The following SLC16A7 variants were observed in gnomAD, a reference collection of about 807,000 sequenced individuals.
SLC16A7 encodes the protein monocarboxylate transporter 2.
Under a neutral mutation model 34.9 loss-of-function variants are expected in SLC16A7, and 33 were observed. The ratio of observed to expected loss-of-function variants is 0.94; its 90% CI spans 0.72 to 1.26. The LOEUF (loss-of-function observed/expected upper bound fraction) is 1.26. Among genes scored for constraint, SLC16A7 ranks in the 50% most tolerant of loss-of-function variants. The probability of loss-of-function intolerance (pLI) is 0.00; values close to 1 mark genes in which losing one functional copy is unlikely to be tolerated. For missense variants in SLC16A7, 573 were observed against 578.1 expected (o/e 0.99, Z 0.09); for synonymous variants, 201 against 206.6 (o/e 0.97, Z 0.23).
chr12:59,764,427 G>A (rs12825732), intron 3 of SLC16A7, among the ~76,000 whole-genome samples: 11,919 of 151,578 alleles, frequency 0.079, 558 homozygotes, highest in Middle Eastern at 0.17. Context: ...GGTGTGCTGC[G>A]CCCATTAACT....
chr12:59,600,186 CAAT>C (rs1878618506), intron 1 of SLC16A7, among the ~76,000 whole-genome samples: 2 of 152,210 alleles, frequency 1.3e-5, no homozygotes, highest in South Asian at 4.1e-4. Flanking sequence ...AGAAATAACT[CAAT>C]AACTACTTTT....
At chr12:59,726,905 A>G (rs539507159) in intron 3 of SLC16A7, among the ~76,000 whole-genome samples, 25 of 152,228 alleles carry the variant, frequency 1.6e-4, no homozygotes, top group African/African-American at 4.8e-4. Context: ...TTTATGATCA[A>G]TACATAATAG....
At chr12:59,728,037 C>A (rs938232904) in intron 3 of SLC16A7, among the ~76,000 whole-genome samples, 3 of 151,908 alleles carry the variant, frequency 2.0e-5, no homozygotes, top group African/African-American at 4.8e-5. Context: ...GAGTAGAGAC[C>A]CAGGTTCCAA....
chr12:59,688,539 T>A (rs1467749692), intron 2 of SLC16A7, among the ~76,000 whole-genome samples: 1 of 152,072 alleles, frequency 6.6e-6, no homozygotes, highest in African/African-American at 2.4e-5. Context: ...AATTGTTAAG[T>A]GTCTTGCTTA....
intron 3 of SLC16A7, among the ~76,000 whole-genome samples, chr12:59,765,109 T>C (rs1240685171): frequency 6.6e-6 from 1 of 152,242 alleles, no homozygotes; most frequent in Admixed American, 6.5e-5. Context: ...TTCATGTGTT[T>C]TTTGGCTGCA....
chr12:59,673,608 A>C (rs1171007880), intron 2 of SLC16A7, among the ~76,000 whole-genome samples: 1 of 152,086 alleles, frequency 6.6e-6, no homozygotes, highest in Non-Finnish European at 1.5e-5. Context: ...GAGTGAAAAA[A>C]CTGTCTCATA....
At chr12:59,660,698 G>A (rs545802775) in intron 2 of SLC16A7, among the ~76,000 whole-genome samples, 1 of 152,110 alleles carries the variant, frequency 6.6e-6, no homozygotes, top group East Asian at 1.9e-4. Context: ...GAAAGAGTGA[G>A]ACCCTGTCAC....
intron 3 of SLC16A7, among the ~76,000 whole-genome samples, chr12:59,758,209 CT>C (rs1457525769): frequency 1.3e-5 from 2 of 151,994 alleles, no homozygotes; most frequent in African/African-American, 4.8e-5. Context: ...TTACTGTACA[CT>C]TAAAAATTTG....
chr12:59,776,405 CTT>C (rs1358687745), intron 5 of SLC16A7, among the ~76,000 whole-genome samples: 3 of 152,086 alleles, frequency 2.0e-5, no homozygotes, highest in African/African-American at 7.2e-5. Flanking sequence ...TTTGTTTAGT[CTT>C]AGACTTTAAA....
chr12:59,697,025 T>A (rs549769955), intron 2 of SLC16A7, among the ~76,000 whole-genome samples: 1 of 152,080 alleles, frequency 6.6e-6, no homozygotes, highest in East Asian at 1.9e-4. Context: ...CTTAATCATA[T>A]GTTTTTTATT....
At chr12:59,733,306 G>A (rs1337134040) in intron 3 of SLC16A7, among the ~76,000 whole-genome samples, 5 of 152,266 alleles carry the variant, frequency 3.3e-5, no homozygotes, top group Admixed American at 1.3e-4. Flanking sequence ...GGTGCAAAGC[G>A]GCGAGGGGTG....
chr12:59,738,101 A>G (rs1877813404), intron 3 of SLC16A7, among the ~76,000 whole-genome samples: 1 of 152,180 alleles, frequency 6.6e-6, no homozygotes. Flanking sequence ...TATTGTACTT[A>G]TAAAAAATGT....
At chr12:59,683,909 A>G (rs146369437) in intron 2 of SLC16A7, among the ~76,000 whole-genome samples, 4 of 152,326 alleles carry the variant, frequency 2.6e-5, no homozygotes, top group African/African-American at 9.6e-5. Context: ...GGTACAACTG[A>G]ATATTATTAC....
intron 3 of SLC16A7, among the ~76,000 whole-genome samples, chr12:59,766,128 C>T (rs1450722823): frequency 1.3e-5 from 2 of 151,812 alleles, no homozygotes; most frequent in Admixed American, 1.3e-4. Flanking sequence ...TGATTTAGCT[C>T]TCTGTTTGTT....
In SLC16A7 at chr12:59,786,230, T is replaced by G. The variant is rs1883615447; in HGVS notation, c.*6551T>G. On this transcript the variant is annotated 3_prime_UTR_variant, in exon 6 of 6. Coordinates refer to ENST00000547379, the MANE Select transcript of SLC16A7 (RefSeq NM_001270623.2). ...TAAAATAATAAAAATAAAAATAAAA[T>G]AGAATAAGTTGATAAAAGCTCCTCT... 6.6e-6 allele frequency: 1 copy of G among 150,590 alleles called. No homozygotes were observed. Among genetic ancestry groups the G allele is most frequent in the African/African-American group, 2.5e-5 (1 of 40,592 alleles). The allele number at this position is 150,590 out of a possible 1,614,324, so 9.3% of individuals were successfully genotyped here.
At chr12:59,659,044 C>T (rs1204192221) in intron 2 of SLC16A7, among the ~76,000 whole-genome samples, 1 of 151,934 alleles carries the variant, frequency 6.6e-6, no homozygotes, top group Non-Finnish European at 1.5e-5. Context: ...ACAGCAGATG[C>T]CTAGAGTAGG....
intron 2 of SLC16A7, among the ~76,000 whole-genome samples, chr12:59,695,969 A>G (rs1872237564): frequency 6.6e-6 from 1 of 151,966 alleles, no homozygotes; most frequent in South Asian, 2.1e-4. Flanking sequence ...AGCCATGTAT[A>G]TTACTGACAG....
intron 3 of SLC16A7, among the ~76,000 whole-genome samples, chr12:59,713,035 T>C (rs1874434814): frequency 6.6e-6 from 1 of 152,124 alleles, no homozygotes; most frequent in Non-Finnish European, 1.5e-5. Flanking sequence ...TCTTTTCTTT[T>C]TTGAGATGTA....
chr12:59,739,009 AT>A (rs71074385), intron 3 of SLC16A7, among the ~76,000 whole-genome samples: 3 of 142,450 alleles, frequency 2.1e-5, no homozygotes, highest in Non-Finnish European at 4.6e-5. Context: ...CTGGGTGTAA[AT>A]TTTTTTTTCA....
Sources: gnomAD v4.1 joint callset for allele counts (sites outside exome capture counted in the v4.1 genomes callset) on GRCh38, gnomAD v4.1.1 for gene constraint, MANE v1.5 for transcripts, NCBI Gene and HGNC (gene_info 2026-07-23, HGNC 2026-07-21) for gene names.